Variants in DCHS2 observed in about 807,000 individuals in gnomAD.
The protein encoded by DCHS2 is dachsous cadherin-related 2, also known as protocadherin-23.
A neutral mutation model predicts 182.4 loss-of-function variants in DCHS2; 142 were observed. The ratio of observed to expected loss-of-function variants is 0.78; its 90% CI spans 0.68 to 0.89. The LOEUF is 0.89. Ranked by LOEUF, DCHS2 falls within the 40% of genes least tolerant of loss-of-function variation. The pLI is 0.00. For synonymous variants in DCHS2, 1,740 were observed against 1,663.3 expected (o/e 1.05, Z -1.12); for missense variants, 4,319 against 4,198.6 (o/e 1.03, Z -0.79).
At chr4:154,468,347 T>G (rs1344962830) in intron 1 of DCHS2, among the ~76,000 whole-genome samples, 4 of 152,170 alleles carry the variant, frequency 2.6e-5, no homozygotes, top group African/African-American at 7.2e-5. Context: ...TTAAGCATTT[T>G]CTTTTAAAAT....
intron 1 of DCHS2, among the ~76,000 whole-genome samples, chr4:154,471,216 C>G (rs1735454124): frequency 6.6e-6 from 1 of 152,100 alleles, no homozygotes; most frequent in Admixed American, 6.6e-5. Context: ...CTCCGACAGC[C>G]CAGTTTTTGT....
chr4:154,259,301 A>G (rs1732854345), intron 15 of DCHS2, among the ~76,000 whole-genome samples: 1 of 152,180 alleles, frequency 6.6e-6, no homozygotes. Flanking sequence ...ACTCCTAGAG[A>G]AAGCAGATGT....
At position 154,233,932 on chromosome 4, in the gene DCHS2, T is replaced by A. The variant is rs1212870526; in HGVS notation, c.*604A>T. The A allele has an allele frequency of 2.0e-5, 3 of 152,164 alleles. No homozygotes were observed. The highest frequency in any genetic ancestry group is 2.9e-5 in the Non-Finnish European group (2 of 68,002). The allele number at this position is 152,164 out of a possible 1,614,324, so 9.4% of individuals were successfully genotyped here. ...GAGTTATGACAAATTTCCTTCTGAA[T>A]TTTTTATTAGTTTTCCAAAAGACTC... On this transcript the variant is annotated 3_prime_UTR_variant, in exon 20 of 20. Coordinates refer to ENST00000357232, the MANE Select transcript of DCHS2 (RefSeq NM_001358235.2).
chr4:154,374,743 A>G (rs968046939), intron 2 of DCHS2, among the ~76,000 whole-genome samples: 8 of 152,212 alleles, frequency 5.3e-5, no homozygotes, highest in South Asian at 2.1e-4. Context: ...GAGAATGATT[A>G]GACCAGAGAG....
At chr4:154,301,440 G>A (rs1735190840) in intron 12 of DCHS2, among the ~76,000 whole-genome samples, 1 of 152,176 alleles carries the variant, frequency 6.6e-6, no homozygotes, top group African/African-American at 2.4e-5. Context: ...GTAACAAAGA[G>A]AAACAGCAAC....
At chr4:154,240,405 C>A (rs1731751262) in intron 18 of DCHS2, 132 bp downstream of exon 18, 3 of 1,073,016 alleles carry the variant, frequency 2.8e-6, no homozygotes, top group East Asian at 2.6e-5. Flanking sequence ...GTAAAACCCG[C>A]AGCGTTAACT....
chr4:154,353,393 C>A (rs1729710034), intron 3 of DCHS2, among the ~76,000 whole-genome samples: 1 of 152,180 alleles, frequency 6.6e-6, no homozygotes, highest in Non-Finnish European at 1.5e-5. Context: ...AAAAGACAAA[C>A]ACACAAAATA....
At chr4:154,389,982 G>C (rs1434969449) in intron 1 of DCHS2, among the ~76,000 whole-genome samples, 1 of 152,134 alleles carries the variant, frequency 6.6e-6, no homozygotes, top group Non-Finnish European at 1.5e-5. Context: ...AAATTAGGTT[G>C]CTGGTAGCTG....
At chr4:154,389,679 C>T (rs1361545127) in intron 1 of DCHS2, among the ~76,000 whole-genome samples, 1 of 151,838 alleles carries the variant, frequency 6.6e-6, no homozygotes, top group Non-Finnish European at 1.5e-5. Context: ...GGATTTATTA[C>T]AGGATCCAGT....
chr4:154,363,089 G>T (rs1337678189), intron 3 of DCHS2, among the ~76,000 whole-genome samples: 3 of 152,046 alleles, frequency 2.0e-5, no homozygotes, highest in South Asian at 2.1e-4. Flanking sequence ...ACTGCTTCTT[G>T]TTCTATTATT....
At chr4:154,328,232 A>G (rs1365892882) in intron 6 of DCHS2, 40 bp from the exon 7 acceptor site, 1 of 1,481,954 alleles carries the variant, frequency 6.7e-7, no homozygotes, top group Admixed American at 1.8e-5. Context: ...AGTCAGCAAA[A>G]GTTTAAAAAG....
intron 14 of DCHS2, among the ~76,000 whole-genome samples, chr4:154,263,319 C>T (rs182690134): frequency 3.1e-4 from 47 of 151,966 alleles, no homozygotes; most frequent in African/African-American, 1.1e-3. Flanking sequence ...AAACTATATA[C>T]TTGACCAATC....
chr4:154,292,895 A>C (rs963497848), intron 13 of DCHS2, among the ~76,000 whole-genome samples: 3 of 152,126 alleles, frequency 2.0e-5, no homozygotes, highest in Non-Finnish European at 2.9e-5. Flanking sequence ...CCCCTGCTCT[A>C]TATTAAATAT....
chr4:154,367,384 G>A (rs1033197902), intron 2 of DCHS2, among the ~76,000 whole-genome samples: 1 of 152,088 alleles, frequency 6.6e-6, no homozygotes, highest in Admixed American at 6.6e-5. Context: ...AGCAGTGCAG[G>A]TACTCATCCC....
chr4:154,406,589 C>T (rs1156248252), intron 1 of DCHS2, among the ~76,000 whole-genome samples: 1 of 152,138 alleles, frequency 6.6e-6, no homozygotes, highest in African/African-American at 2.4e-5. Context: ...GAAAATCAAC[C>T]CCACCCAAGA....
intron 13 of DCHS2, chr4:154,284,322 T>C (rs1734289814): frequency 6.6e-6 from 1 of 152,140 alleles, no homozygotes; most frequent in Non-Finnish European, 1.5e-5. Flanking sequence ...TAAATATTAA[T>C]AAGGAGGTTG....
At chr4:154,439,628 G>A (rs1273153300) in intron 1 of DCHS2, among the ~76,000 whole-genome samples, 30 of 152,060 alleles carry the variant, frequency 2.0e-4, no homozygotes, top group Admixed American at 2.0e-3. Flanking sequence ...TTTCTTGTCT[G>A]TTATATATGC....
intron 13 of DCHS2, chr4:154,272,135 TG>T (rs1049953651): frequency 1.6e-4 from 25 of 152,156 alleles, no homozygotes; most frequent in Admixed American, 1.1e-3. Context: ...TTCTATTAAA[TG>T]GAAAACCACA....
At chr4:154,302,984 T>TA (rs1735281884) in intron 12 of DCHS2, among the ~76,000 whole-genome samples, 20 of 57,572 alleles carry the variant, frequency 3.5e-4, no homozygotes, top group South Asian at 7.9e-4. Flanking sequence ...CACACACATA[T>TA]TTTTTTTTTT....
Sources: allele counts gnomAD v4.1 joint callset (sites outside exome capture counted in the v4.1 genomes callset), GRCh38; gene constraint gnomAD v4.1.1; transcripts MANE v1.5; gene names NCBI Gene and HGNC (gene_info 2026-07-23, HGNC 2026-07-21).